ZNF695: variants seen among roughly 807,000 people sequenced by gnomAD.
ZNF695 encodes zinc finger protein SBZF3.
Under a neutral mutation model 11.2 loss-of-function variants are expected in ZNF695, and 11 were observed. That is an observed-to-expected ratio of 0.98 (90% CI 0.62 to 1.62). The LOEUF (loss-of-function observed/expected upper bound fraction) is 1.62, where lower values mean the gene tolerates loss of function less well. Ranked by LOEUF, ZNF695 falls within the 40% of genes most tolerant of loss-of-function variation. The pLI, the probability that ZNF695 is intolerant of heterozygous loss-of-function variation, is 0.00. For missense variants in ZNF695, 559 were observed against 590.5 expected, an observed-to-expected ratio of 0.95 and a Z score of 0.55; for synonymous variants, 190 against 201.4, an observed-to-expected ratio of 0.94 and a Z score of 0.48.
downstream of ZNF695, among the ~76,000 whole-genome samples, chr1:246,982,532 T>C (rs1572521925): frequency 6.6e-6 from 1 of 152,330 alleles, no homozygotes; most frequent in East Asian, 1.9e-4. Context: ...TAGTCCAATA[T>C]TATTAAAGCT....
intron 3 of ZNF695, among the ~76,000 whole-genome samples, chr1:246,996,874 C>G (rs965402152): frequency 1.1e-4 from 17 of 152,120 alleles, no homozygotes; most frequent in African/African-American, 4.1e-4. Flanking sequence ...AATACACACA[C>G]ACGTCATAAA....
intron 5 of ZNF695, chr1:246,966,979 C>T (rs1668306911): frequency 2.5e-6 from 1 of 405,664 alleles, no homozygotes. Context: ...ACTCTTGTCG[C>T]CCAGGCTGGA....
At chr1:246,992,409 G>A (rs1669068033) in intron 3 of ZNF695, among the ~76,000 whole-genome samples, 1 of 151,858 alleles carries the variant, frequency 6.6e-6, no homozygotes, top group Non-Finnish European at 1.5e-5. Flanking sequence ...AGGGTAGTGG[G>A]TGAGTGGGTG....
At chr1:246,953,390 C>T (rs996086151) in intron 5 of ZNF695, among the ~76,000 whole-genome samples, 1 of 152,050 alleles carries the variant, frequency 6.6e-6, no homozygotes, top group African/African-American at 2.4e-5. Context: ...GGGCGGATCA[C>T]GAGGTTAGGC....
chr1:246,978,670 T>C (rs1387164838), intron 4 of ZNF695, among the ~76,000 whole-genome samples: 1 of 152,222 alleles, frequency 6.6e-6, no homozygotes, highest in African/African-American at 2.4e-5. Flanking sequence ...AGTATGACTA[T>C]GTTAACTCAG....
chr1:246,959,358 C>A (rs1207385815), intron 5 of ZNF695, among the ~76,000 whole-genome samples: 5 of 97,324 alleles, frequency 5.1e-5, no homozygotes, highest in Non-Finnish European at 9.7e-5. Context: ...TATAAAATCT[C>A]TTTTCTGAAA....
At chr1:246,956,872 G>A (rs1325172219) in intron 5 of ZNF695, among the ~76,000 whole-genome samples, 1 of 152,060 alleles carries the variant, frequency 6.6e-6, no homozygotes, top group Non-Finnish European at 1.5e-5. Context: ...TAACGTTGTT[G>A]TGATTACTCA....
intron 5 of ZNF695, among the ~76,000 whole-genome samples, chr1:246,952,632 G>A (rs891004463): frequency 6.6e-6 from 1 of 150,854 alleles, no homozygotes; most frequent in Non-Finnish European, 1.5e-5. Context: ...CTGCAAGCTT[G>A]AACTCCTGGG....
intron 4 of ZNF695, chr1:246,968,616 C>T (rs1363912412): frequency 1.3e-5 from 2 of 152,234 alleles, no homozygotes; most frequent in African/African-American, 2.4e-5. Flanking sequence ...TCCACAGTAC[C>T]CTAGTAGAGG....
At chr1:246,951,806 T>G (rs571466252) in intron 5 of ZNF695, among the ~76,000 whole-genome samples, 1 of 152,296 alleles carries the variant, frequency 6.6e-6, no homozygotes, top group East Asian at 1.9e-4. Flanking sequence ...TAGAAAGGGA[T>G]AGAATGAGCC....
Position 246,986,150 on chromosome 1 carries a change from T to C in ZNF695, c.*817A>G. On this transcript the variant is annotated 3_prime_UTR_variant, in exon 4 of 4. Transcript: ENST00000339986. ...AGTTGCCAGATAGCAGCTCACTGCATCCTCAACCTCCAGGCTCAAGCAATC... is the reference window on the plus strand; with the variant it reads ...AGTTGCCAGATAGCAGCTCACTGCACCCTCAACCTCCAGGCTCAAGCAATC... The C allele has an allele frequency of 3.1e-6, 2 of 648,326 alleles. No homozygotes were observed. The highest frequency in any genetic ancestry group is 3.8e-6 in the Non-Finnish European group (2 of 522,360). The allele number at this position is 648,326 out of a possible 1,614,324, so 40.2% of individuals were successfully genotyped here. A position where few individuals can be genotyped will look rare whatever the true frequency, so the allele number is the denominator to read the frequency against.
intron 5 of ZNF695, among the ~76,000 whole-genome samples, chr1:246,954,757 A>T (rs1000086045): frequency 6.6e-6 from 1 of 152,150 alleles, no homozygotes; most frequent in Non-Finnish European, 1.5e-5. Context: ...CTATCTCTAT[A>T]TTCTTATAGG....
At position 246,997,490 on chromosome 1, in the gene ZNF695, G is replaced by A. The variant is rs1213958685; in HGVS notation, c.259+1858C>T. ...TGCACTCCAGCCTGGGCGACAGAGCGAGACTCTGTCTCAAGAAAAAAAAAA... is the reference window on the plus strand; with the variant it reads ...TGCACTCCAGCCTGGGCGACAGAGCAAGACTCTGTCTCAAGAAAAAAAAAA... On this transcript the variant is annotated intron_variant, in intron 3 of 3. Coordinates refer to ENST00000339986, the MANE Select transcript of ZNF695 (RefSeq NM_020394.5). Among the ~76,000 whole-genome samples the A allele has an allele frequency of 4.6e-5, 7 of 151,430 alleles. 1 individual carries two copies. The Middle Eastern group carries it at 0.017, about 370-fold the overall frequency.
chr1:246,989,095 GA>G (rs113654474), intron 3 of ZNF695, among the ~76,000 whole-genome samples: 49 of 113,586 alleles, frequency 4.3e-4, no homozygotes, highest in Middle Eastern at 4.5e-3. Context: ...CTCCGTCTCA[GA>G]AAAAAAAAAA....
intron 4 of ZNF695, among the ~76,000 whole-genome samples, chr1:246,970,978 C>T (rs554884085): frequency 1.3e-5 from 2 of 152,022 alleles, no homozygotes; most frequent in Non-Finnish European, 2.9e-5. Flanking sequence ...GACGAGAGAT[C>T]GTAGAAATAA....
Position 246,947,135 on chromosome 1 carries a change from G to GTC in ZNF695, c.489-1310_489-1309dup, listed in dbSNP as rs1346379269. ...AGCCTGGGCGACAAAGCGAGACTCC[G>GTC]TCAAAAAAAAAAAAAAAAAAATCAA... On this transcript the variant is annotated intron_variant, in intron 5 of 5. Coordinates refer to the ZNF695 transcript ENST00000487338. 1.5e-3 allele frequency among the ~76,000 whole-genome samples: 106 copies of GTC among 70,860 alleles called. 2 individuals are homozygous for GTC. Among genetic ancestry groups the GTC allele is most frequent in the East Asian group, 2.9e-3 (6 of 2,072 alleles). 46.5% of individuals were successfully genotyped at this position (70,860 alleles called of 152,430 possible).
intron 5 of ZNF695, among the ~76,000 whole-genome samples, chr1:246,962,727 C>G (rs1247980149): frequency 2.0e-5 from 3 of 151,366 alleles, no homozygotes; most frequent in East Asian, 3.9e-4. Context: ...GAGTCTCGCT[C>G]TGTCACCCAG....
intron 4 of ZNF695, among the ~76,000 whole-genome samples, chr1:246,978,560 C>A (rs536366350): frequency 3.0e-4 from 46 of 152,254 alleles, no homozygotes; most frequent in African/African-American, 1.1e-3. Context: ...GAGCAAGAAA[C>A]CAATAAAGGC....
At position 246,967,088 on chromosome 1, in the gene ZNF695, G is replaced by A. The variant is rs564235221; in HGVS notation, c.488+607C>T. 4.4e-4 allele frequency among the ~76,000 whole-genome samples: 67 copies of A among 152,116 alleles called. No individual in the cohort carries two copies. The South Asian group carries it at 0.013, about 29-fold the overall frequency. ...CCAGCAGCTGGGATTACAGGCATGCGCCACCATGCCTGGCTAATTTTGTAT... is the reference window on the plus strand; with the variant it reads ...CCAGCAGCTGGGATTACAGGCATGCACCACCATGCCTGGCTAATTTTGTAT... On this transcript the variant is annotated intron_variant, in intron 5 of 5. Transcript: ENST00000487338.
Sources: allele counts gnomAD v4.1 joint callset (sites outside exome capture counted in the v4.1 genomes callset), GRCh38; gene constraint gnomAD v4.1.1; transcripts MANE v1.5; gene names NCBI Gene and HGNC (gene_info 2026-07-23, HGNC 2026-07-21).